Variants in ATP8B4 observed in about 807,000 individuals in gnomAD.
ATP8B4 encodes the protein ATPase phospholipid transporting 8B4 (putative).
ATP8B4 carries 133 observed loss-of-function variants against 145.6 expected under a neutral mutation model. That is an observed-to-expected ratio of 0.91 (90% CI 0.79 to 1.05). ATP8B4 has a LOEUF of 1.05. ATP8B4 is among the 50% of genes least tolerant of loss of function. The probability of loss-of-function intolerance (pLI) is 0.00; values close to 1 mark genes in which losing one functional copy is unlikely to be tolerated. For missense variants in ATP8B4, 1,458 were observed against 1,425.2 expected, an observed-to-expected ratio of 1.02 and a Z score of -0.37; for synonymous variants, 507 against 492.9, an observed-to-expected ratio of 1.03 and a Z score of -0.38.
At chr15:50,166,471 T>C (rs561598627) in intron 1 of ATP8B4, among the ~76,000 whole-genome samples, 4,903 of 152,252 alleles carry the variant, frequency 0.032, 120 homozygotes, top group Middle Eastern at 0.051. Context: ...TAAGCTCCTG[T>C]AGAGGGAAAC....
intron 7 of ATP8B4, among the ~76,000 whole-genome samples, chr15:50,004,263 T>C (rs1450812705): frequency 1.3e-5 from 2 of 152,162 alleles, no homozygotes. Context: ...GCCGGGAGGA[T>C]AAGCGGTCAA....
intron 1 of ATP8B4, among the ~76,000 whole-genome samples, chr15:50,108,892 G>A (rs1033688704): frequency 3.9e-5 from 6 of 152,160 alleles, no homozygotes; most frequent in African/African-American, 1.2e-4. Context: ...TGTCTGGCAC[G>A]TAGTAATGCT....
At chr15:50,126,326 A>T (rs1567397604) in intron 1 of ATP8B4, among the ~76,000 whole-genome samples, 1 of 151,994 alleles carries the variant, frequency 6.6e-6, no homozygotes, top group Non-Finnish European at 1.5e-5. Flanking sequence ...CATTCCCAGA[A>T]GATTAGTCAT....
intron 25 of ATP8B4, among the ~76,000 whole-genome samples, chr15:49,871,744 C>T (rs1372916930): frequency 6.6e-6 from 1 of 152,158 alleles, no homozygotes. Context: ...CCAAAGCATG[C>T]CAGACACTGG....
chr15:49,929,651 TC>T (rs1427054747), intron 16 of ATP8B4, among the ~76,000 whole-genome samples: 4 of 151,730 alleles, frequency 2.6e-5, no homozygotes, highest in African/African-American at 9.7e-5. Context: ...GAAAAGGACA[TC>T]AATATTGAAG....
At chr15:49,934,569 T>G (rs546776891) in intron 14 of ATP8B4, among the ~76,000 whole-genome samples, 1 of 152,242 alleles carries the variant, frequency 6.6e-6, no homozygotes, top group Admixed American at 6.5e-5. Context: ...TGGAATGTTA[T>G]GTATTTAATG....
chr15:49,943,570 T>C (rs1361625929), intron 14 of ATP8B4, among the ~76,000 whole-genome samples: 1 of 152,134 alleles, frequency 6.6e-6, no homozygotes, highest in Non-Finnish European at 1.5e-5. Context: ...GACAATATTT[T>C]CAAAGGACTG....
At chr15:49,990,262 G>A (rs977915491) in intron 9 of ATP8B4, among the ~76,000 whole-genome samples, 1 of 152,150 alleles carries the variant, frequency 6.6e-6, no homozygotes, top group African/African-American at 2.4e-5. Flanking sequence ...CTTTTTGCTA[G>A]TTGAATCAGA....
At chr15:50,009,838 C>T (rs2048595468) in intron 7 of ATP8B4, among the ~76,000 whole-genome samples, 1 of 152,102 alleles carries the variant, frequency 6.6e-6, no homozygotes, top group Non-Finnish European at 1.5e-5. Flanking sequence ...TTATTTTTGG[C>T]TCCCAGCTAT....
At chr15:50,170,829 G>A (rs1436198080) in intron 1 of ATP8B4, among the ~76,000 whole-genome samples, 1 of 152,048 alleles carries the variant, frequency 6.6e-6, no homozygotes, top group Non-Finnish European at 1.5e-5. Context: ...TAACACATAA[G>A]GACTCACATA....
At chr15:49,871,015 T>C in intron 25 of ATP8B4, among the ~76,000 whole-genome samples, 1 of 152,270 alleles carries the variant, frequency 6.6e-6, no homozygotes, top group East Asian at 1.9e-4. Flanking sequence ...GTACTTACTA[T>C]GTGACTGGGG....
intron 1 of ATP8B4, among the ~76,000 whole-genome samples, chr15:50,139,859 A>G (rs2044182919): frequency 6.6e-6 from 1 of 152,234 alleles, no homozygotes; most frequent in African/African-American, 2.4e-5. Context: ...CCAACTGCAC[A>G]GCAAGATGTT....
intron 1 of ATP8B4, among the ~76,000 whole-genome samples, chr15:50,175,287 A>G (rs1160167704): frequency 6.6e-6 from 1 of 152,182 alleles, no homozygotes; most frequent in Non-Finnish European, 1.5e-5. Flanking sequence ...AAACAAAGAT[A>G]AATAGCTGGG....
intron 6 of ATP8B4, among the ~76,000 whole-genome samples, chr15:50,029,255 A>AAAAAAAAAC (rs776952913): frequency 2.0e-3 from 275 of 140,518 alleles, no homozygotes; most frequent in Non-Finnish European, 2.9e-3. Flanking sequence ...AAAAAAAAAA[A>AAAAAAAAAC]AACAGAAAAA....
chr15:49,930,027 C>T (rs1015311552), intron 16 of ATP8B4, among the ~76,000 whole-genome samples: 10 of 151,946 alleles, frequency 6.6e-5, no homozygotes, highest in African/African-American at 2.4e-4. Flanking sequence ...AGTCAGTGGA[C>T]ACCAGCATAT....
At chr15:49,977,221 G>A (rs1359527242) in intron 12 of ATP8B4, among the ~76,000 whole-genome samples, 2 of 152,054 alleles carry the variant, frequency 1.3e-5, no homozygotes, top group East Asian at 3.8e-4. Context: ...TTGGCAGAAG[G>A]TCTTCATCAT....
chr15:49,883,632 C>T (rs924252065), intron 23 of ATP8B4: 7 of 151,952 alleles, frequency 4.6e-5, no homozygotes, highest in African/African-American at 1.5e-4. Flanking sequence ...ATGGGAAAAC[C>T]GAGGCCTATC....
chr15:50,106,157 T>C (rs2056669815), intron 2 of ATP8B4, among the ~76,000 whole-genome samples: 1 of 152,166 alleles, frequency 6.6e-6, no homozygotes, highest in Non-Finnish European at 1.5e-5. Flanking sequence ...AGGGACGATA[T>C]TGGAAGGAAG....
chr15:50,059,635 C>T (rs2052859851), intron 3 of ATP8B4, among the ~76,000 whole-genome samples: 1 of 152,214 alleles, frequency 6.6e-6, no homozygotes, highest in Admixed American at 6.5e-5. Context: ...CTAGTGCATT[C>T]CTCATCCATG....
Sources: gnomAD v4.1 joint callset for allele counts (sites outside exome capture counted in the v4.1 genomes callset) on GRCh38, gnomAD v4.1.1 for gene constraint, MANE v1.5 for transcripts, NCBI Gene and HGNC (gene_info 2026-07-23, HGNC 2026-07-21) for gene names.